PARP14: variants seen among roughly 807,000 people sequenced by gnomAD.
PARP14 encodes the protein protein mono-ADP-ribosyltransferase PARP14.
PARP14 carries 59 observed loss-of-function variants against 154.2 expected under a neutral mutation model. The observed-to-expected ratio is 0.38, with a 90% CI of 0.31 to 0.48. PARP14 has a LOEUF of 0.48. PARP14 is among the 20% of genes least tolerant of loss of function. The probability of loss-of-function intolerance (pLI) is 0.98; values close to 1 mark genes in which losing one functional copy is unlikely to be tolerated. For missense variants in PARP14, 1,734 were observed against 2,131.6 expected (o/e 0.81, Z 3.67); for synonymous variants, 720 against 780.5 (o/e 0.92, Z 1.29).
intron 15 of PARP14, among the ~76,000 whole-genome samples, chr3:122,725,642 C>CACTCT (rs1162391985): frequency 6.6e-6 from 1 of 152,048 alleles, no homozygotes; most frequent in East Asian, 1.9e-4. Context: ...TATCTTTTCC[C>CACTCT]ACTCTTTTTC....
At chr3:122,715,211 T>C (rs970526869) in intron 12 of PARP14, among the ~76,000 whole-genome samples, 7 of 152,318 alleles carry the variant, frequency 4.6e-5, no homozygotes, top group Admixed American at 6.5e-5. Flanking sequence ...TTCAGAGAGC[T>C]GGTCAGGGGA....
In PARP14 at chr3:122,729,394, A is replaced by G. The variant is rs1352570804; in HGVS notation, c.*797A>G. ...GTTGCGCAGCACAACCCTGGCTCCA[A>G]TTGCCAGAAGGCTCTTTTTAATGCT... is the stretch of plus-strand genomic sequence containing the variant. On this transcript the variant is annotated 3_prime_UTR_variant, in exon 17 of 17. Coordinates refer to ENST00000474629, the MANE Select transcript of PARP14 (RefSeq NM_017554.3). 6.6e-6 allele frequency: 1 copy of G among 151,256 alleles called. No homozygotes were observed. The highest frequency in any genetic ancestry group is 1.9e-4 in the East Asian group (1 of 5,152). 9.4% of individuals were successfully genotyped at this position (151,256 alleles called of 1,614,324 possible). A position where few individuals can be genotyped will look rare whatever the true frequency, so the allele number is the denominator to read the frequency against.
rs1311120272 is a variant in PARP14 at position 122,680,924 on chromosome 3, C to T, written c.41C>T (p.Ser14Phe). Residue 14 changes from serine to phenylalanine, a missense_variant, in exon 1 of 17, where the codon TCC becomes TTC. Physicochemically the swap from Ser to Phe is radical, Grantham distance 155 (BLOSUM62 -2). Around this residue, in one of 2 missense-constraint regions of PARP14, gnomAD observed 1,646 missense variants for 1,976.0 expected, o/e 0.83. Coordinates refer to ENST00000474629, the MANE Select transcript of PARP14 (RefSeq NM_017554.3). ...PGSFPLLVEG[S>F]WGPDPPKNLN... ...TCCTTCCCGCTGCTGGTCGAGGGCT[C>T]CTGGGGCCCCGACCCCCCGAAGAAC... is the stretch of plus-strand genomic sequence containing the variant. 1 of 1,612,026 alleles carries T rather than the reference C, an allele frequency of 6.2e-7. No individual in the cohort carries two copies. The highest frequency in any genetic ancestry group is 8.5e-7 in the Non-Finnish European group (1 of 1,179,250).
intron 1 of PARP14, 43 bp from the exon 2 acceptor site, chr3:122,685,142 A>G: frequency 1.2e-6 from 2 of 1,603,522 alleles, no homozygotes; most frequent in Non-Finnish European, 1.7e-6. Context: ...GTAAATAAAG[A>G]TTGCTTGTCA....
Position 122,685,413 on chromosome 3 carries a change from C to T in PARP14, c.321+95C>T, listed in dbSNP as rs76465055. The T allele has an allele frequency of 2.0e-4, 245 of 1,195,726 alleles. No individual in the cohort carries two copies. The African/African-American group carries it at 3.0e-3, about 15-fold the overall frequency. The allele number at this position is 1,195,726 out of a possible 1,614,324, so 74.1% of individuals were successfully genotyped here. ...GAAGAAAATATAGTGGAAAGAAAAGCATGAAGCAAACTGCAGCGAGAAAAG... is the reference window on the plus strand; with the variant it reads ...GAAGAAAATATAGTGGAAAGAAAAGTATGAAGCAAACTGCAGCGAGAAAAG... On this transcript the variant is annotated intron_variant, in intron 2 of 16. Transcript: ENST00000474629.
intron 2 of PARP14, among the ~76,000 whole-genome samples, chr3:122,686,310 C>T (rs1204677235): frequency 6.6e-6 from 1 of 150,838 alleles, no homozygotes; most frequent in East Asian, 2.0e-4. Context: ...CATGCCACCA[C>T]ACCTGGCTAA....
intron 9 of PARP14, among the ~76,000 whole-genome samples, chr3:122,712,238 ATCTTTTTT>A (rs1232597011): frequency 1.0e-4 from 8 of 77,034 alleles, no homozygotes; most frequent in African/African-American, 3.7e-4. Context: ...TGGGATTCAC[ATCTTTTTT>A]TTTTTTTTTC....
Position 122,687,111 on chromosome 3 carries a change from C to T in PARP14, c.353C>T (p.Pro118Leu), listed in dbSNP as rs1170274922. 2 of 1,594,140 alleles carry T rather than the reference C, an allele frequency of 1.3e-6. No individual in the cohort carries two copies. Among genetic ancestry groups the T allele is most frequent in the Non-Finnish European group, 1.7e-6 (2 of 1,167,590 alleles). Residue 118 changes from proline to leucine, a missense_variant and splice_region_variant, in exon 3 of 17, where the codon CCA becomes CTA. Transcript: ENST00000474629. ...ESKTKEDVKE[P>L]DVSEELDTKL... The stretch of plus-strand genomic sequence containing the variant: ...AAGACCAAAGAAGATGTTAAAGAAC[C>T]AGGTAAAATCTCAGTTGAGATGACT...
At chr3:122,712,300 G>A (rs898220350) in intron 9 of PARP14, among the ~76,000 whole-genome samples, 1 of 150,894 alleles carries the variant, frequency 6.6e-6, no homozygotes, top group Non-Finnish European at 1.5e-5. Context: ...CTGGAGTGCA[G>A]TGGTGCAATC....
chr3:122,694,136 A>G (rs1470901822), intron 4 of PARP14, among the ~76,000 whole-genome samples: 1 of 152,212 alleles, frequency 6.6e-6, no homozygotes, highest in Non-Finnish European at 1.5e-5. Context: ...ACAAATAAAG[A>G]AGGTCCAAGA....
chr3:122,688,466 G>A lies in PARP14; in HGVS notation c.355+1353G>A, dbSNP rs183288492. Among the ~76,000 whole-genome samples, 154 of 152,248 alleles carry A rather than the reference G, an allele frequency of 1.0e-3. 1 individual carries two copies. The Middle Eastern group carries it at 0.017, about 17-fold the overall frequency. ...ACTTTTCATTGTCCTGGGAATTTTA[G>A]GCCCATTTTCTAACCTGTTTTTACC... On this transcript the variant is annotated intron_variant, in intron 3 of 16. Coordinates refer to ENST00000474629, the MANE Select transcript of PARP14 (RefSeq NM_017554.3).
chr3:122,708,188 A>G lies in PARP14; in HGVS notation c.3541-2A>G. On this transcript the variant is annotated splice_acceptor_variant, in intron 8 of 16. Transcript: ENST00000474629. LOFTEE classifies it high-confidence loss of function. ...ATGATCAACGCTGTGTTTATATTTCAGGCATTTTCAGATGAATTTGCCAGA... is the reference window on the plus strand; with the variant it reads ...ATGATCAACGCTGTGTTTATATTTCGGGCATTTTCAGATGAATTTGCCAGA... The G allele has an allele frequency of 6.6e-7, 1 of 1,521,282 alleles. No individual in the cohort carries two copies. Among genetic ancestry groups the G allele is most frequent in the Non-Finnish European group, 9.0e-7 (1 of 1,113,596 alleles). The allele number at this position is 1,521,282 out of a possible 1,614,324, so 94.2% of individuals were successfully genotyped here. A position where few individuals can be genotyped will look rare whatever the true frequency, so the allele number is the denominator to read the frequency against.
At chr3:122,703,005 A>C (rs1427722582) in intron 6 of PARP14, among the ~76,000 whole-genome samples, 28 of 130,770 alleles carry the variant, frequency 2.1e-4, no homozygotes, top group Admixed American at 1.1e-3. Flanking sequence ...AAAAAAAAAA[A>C]AAAAACAAAA....
Position 122,718,790 on chromosome 3 carries a change from T to G in PARP14, c.4639T>G (p.Cys1547Gly). ...GTATAATGACAATAACACTTCTCAT[T>G]GTTTTAACAAAATGACCAATCTGAA... ...WQYNDNNTSH[C>G]FNKMTNLKLE... Residue 1547 changes from cysteine to glycine, a missense_variant, in exon 14 of 17, where the codon TGT (cysteine) becomes GGT (glycine). Transcript: ENST00000474629. 1.2e-6 allele frequency: 2 copies of G among 1,613,840 alleles called. No individual in the cohort carries two copies. Among genetic ancestry groups the G allele is most frequent in the Non-Finnish European group, 1.7e-6 (2 of 1,179,788 alleles).
At chr3:122,689,137 C>T (rs893091754) in intron 3 of PARP14, among the ~76,000 whole-genome samples, 3 of 152,208 alleles carry the variant, frequency 2.0e-5, no homozygotes, top group African/African-American at 7.2e-5. Flanking sequence ...TTCTGTCTGA[C>T]CTTCCTGTTG....
chr3:122,707,407 A>ATAAATAAATAAATAAC (rs1939194485), intron 8 of PARP14, among the ~76,000 whole-genome samples: 1 of 151,566 alleles, frequency 6.6e-6, no homozygotes, highest in East Asian at 1.9e-4. Flanking sequence ...AAATAAATAA[A>ATAAATAAATAAATAAC]TAAATAAATA....
In PARP14 at chr3:122,713,445, G is replaced by A. The variant is rs1356716491; in HGVS notation, c.3641G>A (p.Ser1214Asn). ...TCAGGTTTTTATGGGACTGTTTCTA[G>A]CCCTGATTCAGGTGTGTATGAAATG... is the stretch of plus-strand genomic sequence containing the variant. ...DTQGFYGTVSSPDSGVYEMKI... is the reference protein window; with the variant it reads ...DTQGFYGTVSNPDSGVYEMKI... The change falls in exon 10 of 17, where the codon AGC becomes AAC. Residue 1214 changes from serine (S) to asparagine (N), a missense_variant. Transcript: ENST00000474629. 3 of 1,612,640 alleles carry A rather than the reference G, an allele frequency of 1.9e-6. No homozygotes were observed. The highest frequency in any genetic ancestry group is 2.5e-6 in the Non-Finnish European group (3 of 1,179,208).
chr3:122,685,125 T>A lies in PARP14; in HGVS notation c.188-60T>A. 3 of 1,592,414 alleles carry A rather than the reference T, an allele frequency of 1.9e-6. No individual in the cohort carries two copies. The South Asian group carries it at 3.3e-5, about 18-fold the overall frequency. On this transcript the variant is annotated intron_variant, in intron 1 of 16. Transcript: ENST00000474629. Reference sequence around the variant, plus strand: ...AATGCAGCCCACGGAAATCATAGAATAATTTTGTAAATAAAGATTGCTTGT... The same window carrying A: ...AATGCAGCCCACGGAAATCATAGAAAAATTTTGTAAATAAAGATTGCTTGT...
intron 4 of PARP14, among the ~76,000 whole-genome samples, chr3:122,693,111 T>C (rs1256199): frequency 0.53 from 80,717 of 151,844 alleles, 22,719 homozygotes; most frequent in African/African-American, 0.72. Flanking sequence ...AATGCATGGA[T>C]GAACTGGGTT....
Sources: gnomAD v4.1 joint callset for allele counts (sites outside exome capture counted in the v4.1 genomes callset) on GRCh38, gnomAD v4.1.1 for gene constraint, gnomAD v4.1.1 regional missense constraint, MANE v1.5 for transcripts, NCBI Gene and HGNC (gene_info 2026-07-23, HGNC 2026-07-21) for gene names.